The following SEPTIN10 variants were observed in gnomAD, a reference collection of about 807,000 sequenced individuals.
SEPTIN10 encodes septin 10, also known as septin-10.
A neutral mutation model predicts 54.8 loss-of-function variants in SEPTIN10; 66 were observed. The observed-to-expected ratio is 1.21, with a 90% CI of 0.99 to 1.48. The LOEUF is 1.48. Among genes scored for constraint, SEPTIN10 ranks in the 40% most tolerant of loss-of-function variants. The pLI is 0.00. For synonymous variants in SEPTIN10, 161 were observed against 181.0 expected (o/e 0.89, Z 0.89); for missense variants, 620 against 545.6 (o/e 1.14, Z -1.36).
rs1446415442 is a variant in SEPTIN10 at position 109,546,040 on chromosome 2, G to C, written c.1349+10C>G. The C allele has an allele frequency of 6.4e-7, 1 of 1,557,658 alleles. No homozygotes were observed. Among genetic ancestry groups the C allele is most frequent in the African/African-American group, 1.4e-5 (1 of 71,662 alleles). On this transcript the variant is annotated intron_variant, in intron 10 of 10. Coordinates refer to ENST00000397712, the MANE Select transcript of SEPTIN10 (RefSeq NM_144710.5). ...GCAGGGCTGCCAGGGAGGGTGGCTG[G>C]GCCTCTTACTTCTTACGGTCCTTGT...
chr2:109,613,601 G>T, intron 1 of SEPTIN10, 197 bp downstream of exon 1: 1 of 303,102 alleles, frequency 3.3e-6, no homozygotes, highest in African/African-American at 2.2e-5. Flanking sequence ...GTCCGGCCGC[G>T]CCCAGGCTCC....
chr2:109,545,991 G>A lies in SEPTIN10; in HGVS notation c.1349+59C>T, dbSNP rs538871771. 47 of 1,512,958 alleles carry A rather than the reference G, an allele frequency of 3.1e-5. No homozygotes were observed. In the South Asian group the frequency reaches 5.3e-4, roughly 17 times the overall value. 93.7% of individuals were successfully genotyped at this position (1,512,958 alleles called of 1,614,324 possible). ...GAAGTAAGAAGCGCTAGGAAGATCC[G>A]ACAGGGCAATGTGACAAGTGTGGGC... On this transcript the variant is annotated intron_variant, in intron 10 of 10. Coordinates refer to ENST00000397712, the MANE Select transcript of SEPTIN10 (RefSeq NM_144710.5).
At chr2:109,594,653 A>C (rs1323735141) in intron 1 of SEPTIN10, 2 of 152,238 alleles carry the variant, frequency 1.3e-5, no homozygotes, top group African/African-American at 4.8e-5. Flanking sequence ...ACGGCATTGC[A>C]ATGAAAGAGA....
At chr2:109,593,229 A>G (rs747962319) in intron 1 of SEPTIN10, 110 bp from the exon 2 acceptor site, 5 of 659,508 alleles carry the variant, frequency 7.6e-6, no homozygotes, top group Non-Finnish European at 1.2e-5. Context: ...TGTTGTTATC[A>G]CCAAGTTTTG....
chr2:109,550,901 T>C (rs757277959), intron 9 of SEPTIN10, among the ~76,000 whole-genome samples: 1 of 152,180 alleles, frequency 6.6e-6, no homozygotes, highest in Non-Finnish European at 1.5e-5. Flanking sequence ...TTTTTGGAAA[T>C]ACAAGGGGCA....
At chr2:109,608,908 T>C (rs1698603489) in intron 1 of SEPTIN10, among the ~76,000 whole-genome samples, 1 of 152,236 alleles carries the variant, frequency 6.6e-6, no homozygotes, top group South Asian at 2.1e-4. Context: ...ATGCTCAAAA[T>C]CTAAAGCAGA....
At chr2:109,610,640 A>C (rs1344029030) in intron 1 of SEPTIN10, among the ~76,000 whole-genome samples, 1 of 152,074 alleles carries the variant, frequency 6.6e-6, no homozygotes, top group Non-Finnish European at 1.5e-5. Flanking sequence ...CGCTTGAACC[A>C]GGGAGGTGGA....
intron 6 of SEPTIN10, among the ~76,000 whole-genome samples, chr2:109,566,996 C>A (rs1687187207): frequency 6.6e-6 from 1 of 152,024 alleles, no homozygotes; most frequent in Non-Finnish European, 1.5e-5. Context: ...GAATTAAGAT[C>A]ACCTCATTTA....
At chr2:109,548,035 C>T (rs1162548273) in intron 9 of SEPTIN10, among the ~76,000 whole-genome samples, 3 of 152,094 alleles carry the variant, frequency 2.0e-5, no homozygotes, top group Non-Finnish European at 4.4e-5. Flanking sequence ...CACAATACTG[C>T]TCATAAAAGA....
At chr2:109,592,559 C>A (rs1049247225) in intron 2 of SEPTIN10, among the ~76,000 whole-genome samples, 4 of 151,874 alleles carry the variant, frequency 2.6e-5, no homozygotes, top group African/African-American at 9.7e-5. Context: ...GTGGGCAGAT[C>A]ACTTGAGGTC....
At chr2:109,590,521 T>C (rs1208150923) in intron 2 of SEPTIN10, among the ~76,000 whole-genome samples, 4 of 152,048 alleles carry the variant, frequency 2.6e-5, no homozygotes, top group African/African-American at 9.7e-5. Context: ...AACCTCTGCC[T>C]CCTGGGTTCA....
Position 109,574,929 on chromosome 2 carries a change from C to T in SEPTIN10, c.414-162G>A, listed in dbSNP as rs572003706. 6.6e-5 allele frequency among the ~76,000 whole-genome samples: 10 copies of T among 152,252 alleles called. No homozygotes were observed. The East Asian group carries it at 1.4e-3, about 21-fold the overall frequency. ...GTGATAAAAAAATGTGCAGAACATG[C>T]GCAAAAGCTATACAAATGCTTCTCA... On this transcript the variant is annotated intron_variant, in intron 4 of 10. Transcript: ENST00000397712.
Position 109,543,981 on chromosome 2 carries a change from T to C in SEPTIN10, c.*328A>G. On this transcript the variant is annotated 3_prime_UTR_variant, in exon 11 of 11. Transcript: ENST00000397712. ...AAAATTTTGTGCAAGAAACAAAATCTGTTTAAACTGAACCATCAGAAAGCA... is the reference window on the plus strand; with the variant it reads ...AAAATTTTGTGCAAGAAACAAAATCCGTTTAAACTGAACCATCAGAAAGCA... 1 of 616,810 alleles carries C rather than the reference T, an allele frequency of 1.6e-6. No individual in the cohort carries two copies. The highest frequency in any genetic ancestry group is 2.8e-6 in the Non-Finnish European group (1 of 363,046). 38.2% of individuals were successfully genotyped at this position (616,810 alleles called of 1,614,324 possible). A position where few individuals can be genotyped will look rare whatever the true frequency, so the allele number is the denominator to read the frequency against.
rs548220793 is a variant in SEPTIN10, at chr2:109,606,199, A to G, written c.30+7599T>C. Among the ~76,000 whole-genome samples, 147 of 152,250 alleles carry G rather than the reference A, an allele frequency of 9.7e-4. 1 individual carries two copies. Among genetic ancestry groups the G allele is most frequent in the African/African-American group, 3.5e-3 (145 of 41,562 alleles). ...TGGGAGACCAAGGAGGGAGGATTAC[A>G]AAGTCAAGAGATTGAGACCACCCTG... is the stretch of plus-strand genomic sequence containing the variant. On this transcript the variant is annotated intron_variant, in intron 1 of 10. Transcript: ENST00000397712.
At chr2:109,591,795 G>C (rs1168406166) in intron 2 of SEPTIN10, among the ~76,000 whole-genome samples, 1 of 152,084 alleles carries the variant, frequency 6.6e-6, no homozygotes, top group Non-Finnish European at 1.5e-5. Flanking sequence ...CTATTTGGGG[G>C]GCTGAGGCAT....
chr2:109,576,843 T>C (rs544749119), intron 4 of SEPTIN10, among the ~76,000 whole-genome samples: 1 of 152,134 alleles, frequency 6.6e-6, no homozygotes, highest in Non-Finnish European at 1.5e-5. Flanking sequence ...ACAGAAGATA[T>C]AATGAGAAGA....
At chr2:109,558,241 A>G (rs1352731067) in intron 8 of SEPTIN10, among the ~76,000 whole-genome samples, 1 of 152,220 alleles carries the variant, frequency 6.6e-6, no homozygotes, top group Non-Finnish European at 1.5e-5. Context: ...TTTGTGTTTC[A>G]AGTACAGTTC....
At chr2:109,567,232 A>T (rs1687244600) in intron 6 of SEPTIN10, among the ~76,000 whole-genome samples, 1 of 152,202 alleles carries the variant, frequency 6.6e-6, no homozygotes. Flanking sequence ...AGTAACTCCA[A>T]TGGACATATG....
At chr2:109,552,740 A>C (rs1345477896) in intron 9 of SEPTIN10, 1 of 204,570 alleles carries the variant, frequency 4.9e-6, no homozygotes, top group Non-Finnish European at 9.8e-6. Context: ...AGACTGGTTG[A>C]ATGAGGCACC....
Sources: allele counts gnomAD v4.1 joint callset (sites outside exome capture counted in the v4.1 genomes callset), GRCh38; gene constraint gnomAD v4.1.1; transcripts MANE v1.5; gene names NCBI Gene and HGNC (gene_info 2026-07-23, HGNC 2026-07-21).